The following DBNDD2 variants were observed in gnomAD, a reference collection of about 807,000 sequenced individuals.
The protein encoded by DBNDD2 is dysbindin domain containing 2, also known as dysbindin domain-containing protein 2.
DBNDD2 carries 8 observed loss-of-function variants against 14.0 expected under a neutral mutation model. That is an observed-to-expected ratio of 0.57 (90% CI 0.33 to 1.03). DBNDD2 has a LOEUF of 1.03. Ranked by LOEUF, DBNDD2 falls within the 50% of genes least tolerant of loss-of-function variation. The pLI is 0.03. For missense variants in DBNDD2, 194 were observed against 206.0 expected, an observed-to-expected ratio of 0.94 and a Z score of 0.36; for synonymous variants, 94 against 85.3, an observed-to-expected ratio of 1.10 and a Z score of -0.56.
chr20:45,406,787 C>A, upstream of DBNDD2: 1 of 1,252,882 alleles, frequency 8.0e-7, no homozygotes, highest in Non-Finnish European at 1.0e-6. Context: ...CGGAGGGGAC[C>A]GGAGCACGAG....
chr20:45,409,799 C>G (rs1989739502), intron 2 of DBNDD2, 133 bp from the exon 3 acceptor site: 2 of 876,438 alleles, frequency 2.3e-6, no homozygotes, highest in East Asian at 5.3e-5. Context: ...AATCCTGGCT[C>G]TTTGCTGGAT....
At chr20:45,409,871 T>C in intron 2 of DBNDD2, 61 bp from the exon 3 acceptor site, 2 of 1,517,052 alleles carry the variant, frequency 1.3e-6, no homozygotes, top group Non-Finnish European at 9.0e-7. Flanking sequence ...CCTGGCCAGA[T>C]AATCTTTAAG....
At position 45,410,032 on chromosome 20, in the gene DBNDD2, C is replaced by A. The variant is rs1274621669; in HGVS notation, c.378C>A (p.Asn126Lys). 1.9e-6 allele frequency: 3 copies of A among 1,552,912 alleles called. No homozygotes were observed. Among genetic ancestry groups the A allele is most frequent in the Non-Finnish European group, 1.7e-6 (2 of 1,147,594 alleles). The change falls in exon 3 of 3, where the codon AAC becomes AAA. Residue 126 changes from asparagine to lysine, a missense_variant. Physicochemically the swap from Asn to Lys is moderately conservative, Grantham distance 94. Coordinates refer to ENST00000372710, the MANE Select transcript of DBNDD2 (RefSeq NM_001048225.4). ...SSSSSSDSST[N>K]LHSPNPSDDG... ...CCTCCTCCTCCGACTCCTCCACCAA[C>A]CTGCATAGCCCAAATCCAAGTGATG...
At chr20:45,406,682 C>G, upstream of DBNDD2, 1 of 1,334,612 alleles carries the variant, frequency 7.5e-7, no homozygotes, top group Non-Finnish European at 9.6e-7. Flanking sequence ...GCCCCCGCCG[C>G]GGCCTCGCTG....
At chr20:45,409,067 T>C (rs1989681608) in intron 2 of DBNDD2, 129 bp downstream of exon 2, 1 of 1,575,570 alleles carries the variant, frequency 6.3e-7, no homozygotes, top group Admixed American at 1.7e-5. Context: ...TTTCTACCAA[T>C]GAAACAGCTG....
chr20:45,408,786 C>G lies in DBNDD2; in HGVS notation c.140-15C>G. ...AGCTTGGGTCCTCCTGACTTGCCCACTTCTTGATCCGCAGCCCCCATAGGT... is the reference window on the plus strand; with the variant it reads ...AGCTTGGGTCCTCCTGACTTGCCCAGTTCTTGATCCGCAGCCCCCATAGGT... On this transcript the variant is annotated splice_polypyrimidine_tract_variant and intron_variant, in intron 1 of 2. Coordinates refer to ENST00000372710, the MANE Select transcript of DBNDD2 (RefSeq NM_001048225.4). 1 of 1,613,100 alleles carries G rather than the reference C, an allele frequency of 6.2e-7. No homozygotes were observed. Among genetic ancestry groups the G allele is most frequent in the Admixed American group, 1.7e-5 (1 of 60,024 alleles).
chr20:45,410,037 A>G lies in DBNDD2; in HGVS notation c.383A>G (p.His128Arg). Reference sequence around the variant, plus strand: ...TCCTCCGACTCCTCCACCAACCTGCATAGCCCAAATCCAAGTGATGATGGA... The same window carrying G: ...TCCTCCGACTCCTCCACCAACCTGCGTAGCCCAAATCCAAGTGATGATGGA... ...SSSSDSSTNL[H>R]SPNPSDDGAD... Residue 128 changes from histidine (H) to arginine (R), a missense_variant, in exon 3 of 3, where the codon CAT becomes CGT. Transcript: ENST00000372710. 5 of 1,553,278 alleles carry G rather than the reference A, an allele frequency of 3.2e-6. No homozygotes were observed. The highest frequency in any genetic ancestry group is 4.4e-6 in the Non-Finnish European group (5 of 1,147,690).
At chr20:45,406,811 G>T, upstream of DBNDD2, 2 of 1,230,382 alleles carry the variant, frequency 1.6e-6, no homozygotes, top group South Asian at 7.3e-5. Context: ...AACGGCCTTG[G>T]GGGAGCGCCC....
chr20:45,406,816 G>A, upstream of DBNDD2: 2 of 1,223,698 alleles, frequency 1.6e-6, no homozygotes, highest in Non-Finnish European at 2.0e-6. Context: ...CCTTGGGGGA[G>A]CGCCCTCCCC....
chr20:45,410,609 C>T (rs544411743), downstream of DBNDD2: 6 of 160,006 alleles, frequency 3.7e-5, no homozygotes, highest in South Asian at 1.1e-3. Flanking sequence ...ATATGCCAAC[C>T]ATTCGACTTC....
At position 45,410,287 on chromosome 20, in the gene DBNDD2, TAA is replaced by T; in HGVS notation, c.*148_*149del. ...AGGATGGTGGGATTGTGTACCTTTC[TAA>T]GAATTAACCCTCTCCTGCTTTACTG... is the stretch of plus-strand genomic sequence containing the variant. On this transcript the variant is annotated 3_prime_UTR_variant, in exon 3 of 3. Transcript: ENST00000372710. 1 of 897,978 alleles carries T rather than the reference TAA, an allele frequency of 1.1e-6. No homozygotes were observed. Among genetic ancestry groups the T allele is most frequent in the Non-Finnish European group, 1.7e-6 (1 of 601,170 alleles). 55.6% of individuals were successfully genotyped at this position (897,978 alleles called of 1,614,324 possible).
At chr20:45,406,144 C>T (rs949574289), upstream of DBNDD2, 2 of 353,566 alleles carry the variant, frequency 5.7e-6, no homozygotes, top group Non-Finnish European at 1.0e-5. Context: ...GGGTCAGTGC[C>T]CTGCCCCCTC....
At chr20:45,406,371 A>T, upstream of DBNDD2, 2 of 1,336,382 alleles carry the variant, frequency 1.5e-6, no homozygotes, top group African/African-American at 3.1e-5. Flanking sequence ...CAGCAAGTGC[A>T]TCCGAGCGAG....
At chr20:45,407,900 G>A, upstream of DBNDD2, 1 of 1,272,896 alleles carries the variant, frequency 7.9e-7, no homozygotes, top group East Asian at 3.2e-5. Flanking sequence ...GGGGTAGATG[G>A]CACATGCGTG....
Position 45,410,340 on chromosome 20 carries a change from C to A in DBNDD2, c.*200C>A. On this transcript the variant is annotated 3_prime_UTR_variant, in exon 3 of 3. Transcript: ENST00000372710. ...CTAATTTTTTCCTGCTGCAACCCTC[C>A]CACCAGTTTTTGGCTTACTCCTGAG... is the stretch of plus-strand genomic sequence containing the variant. 1.6e-6 allele frequency: 1 copy of A among 644,372 alleles called. No individual in the cohort carries two copies. Among genetic ancestry groups the A allele is most frequent in the Non-Finnish European group, 2.6e-6 (1 of 382,234 alleles). 39.9% of individuals were successfully genotyped at this position (644,372 alleles called of 1,614,324 possible). A position where few individuals can be genotyped will look rare whatever the true frequency, so the allele number is the denominator to read the frequency against.
upstream of DBNDD2, among the ~76,000 whole-genome samples, chr20:45,407,039 G>GC (rs1436881269): frequency 6.6e-6 from 1 of 152,098 alleles, no homozygotes; most frequent in Non-Finnish European, 1.5e-5. Context: ...GGGCTCCGCG[G>GC]CCCCCCGGGG....
chr20:45,406,518 G>T (rs1989393668), upstream of DBNDD2: 1 of 1,523,458 alleles, frequency 6.6e-7, no homozygotes, highest in Non-Finnish European at 8.8e-7. Flanking sequence ...GGCTGCCTCC[G>T]ACCGCCGGGC....
At position 45,410,142 on chromosome 20, in the gene DBNDD2, A is replaced by C; in HGVS notation, c.*2A>C. 6.4e-7 allele frequency: 1 copy of C among 1,551,724 alleles called. No individual in the cohort carries two copies. ...GCAGAGCCTGGAGCCTGCAGCTAGCAGTGGGCCCCTGCCTACAGACTGACC... is the reference window on the plus strand; with the variant it reads ...GCAGAGCCTGGAGCCTGCAGCTAGCCGTGGGCCCCTGCCTACAGACTGACC... On this transcript the variant is annotated 3_prime_UTR_variant, in exon 3 of 3. Coordinates refer to ENST00000372710, the MANE Select transcript of DBNDD2 (RefSeq NM_001048225.4).
At chr20:45,406,073 C>T, upstream of DBNDD2, 1 of 186,982 alleles carries the variant, frequency 5.3e-6, no homozygotes, top group Non-Finnish European at 1.1e-5. Flanking sequence ...TCAGGGGCAG[C>T]CGGGCGAGTC....
Sources: gnomAD v4.1 joint callset for allele counts (sites outside exome capture counted in the v4.1 genomes callset) on GRCh38, gnomAD v4.1.1 for gene constraint, MANE v1.5 for transcripts, NCBI Gene and HGNC (gene_info 2026-07-23, HGNC 2026-07-21) for gene names.